MTSS1: variants seen among roughly 807,000 people sequenced by gnomAD.
MTSS1 encodes MTSS I-BAR domain containing 1.
In MTSS1, 18 loss-of-function variants were observed where a neutral mutation model predicts 79.0. That is an observed-to-expected ratio of 0.23 (90% CI 0.16 to 0.34). MTSS1 has a LOEUF of 0.34. Ranked by LOEUF, MTSS1 falls within the 10% of genes least tolerant of loss-of-function variation. The pLI is 1.00. For synonymous variants in MTSS1, 341 were observed against 368.6 expected (o/e 0.93, Z 0.86); for missense variants, 815 against 986.2 (o/e 0.83, Z 2.33).
chr8:124,570,704 T>C (rs947624890), intron 6 of MTSS1, among the ~76,000 whole-genome samples: 1 of 152,174 alleles, frequency 6.6e-6, no homozygotes, highest in Non-Finnish European at 1.5e-5. Flanking sequence ...AGTCTCTGCA[T>C]AATTTTCTCC....
chr8:124,708,375 G>T (rs181323921), intron 1 of MTSS1, among the ~76,000 whole-genome samples: 1 of 152,298 alleles, frequency 6.6e-6, no homozygotes, highest in East Asian at 1.9e-4. Flanking sequence ...TAGGATGTGT[G>T]GGGGACAGAC....
chr8:124,639,111 C>A (rs375571675), intron 3 of MTSS1, among the ~76,000 whole-genome samples: 1 of 152,130 alleles, frequency 6.6e-6, no homozygotes, highest in Non-Finnish European at 1.5e-5. Context: ...CCAAGGCAGG[C>A]GGATCACTAG....
Position 124,553,605 on chromosome 8 carries a change from C to T in MTSS1, c.1655G>A (p.Ser552Asn). The stretch of plus-strand genomic sequence containing the variant: ...CCGTCGGTAGGACTGGCTGATGTCG[C>T]TGTTTCTTGGAATGGTGGAGGACTT... Reference protein sequence around the residue: ...FDKSSTIPRNSDISQSYRRMF... With the variant: ...FDKSSTIPRNNDISQSYRRMF... Residue 552 changes from serine (S) to asparagine (N), a missense_variant, in exon 14 of 14, where the codon AGC becomes AAC. Coordinates refer to ENST00000518547, the MANE Select transcript of MTSS1 (RefSeq NM_014751.6). This position sits in a 1 kb window ranked among gnomAD's most constrained non-coding sequence, Gnocchi z 6.0. 2.5e-6 allele frequency: 4 copies of T among 1,614,200 alleles called. No individual in the cohort carries two copies. The highest frequency in any genetic ancestry group is 3.4e-6 in the Non-Finnish European group (4 of 1,180,034).
chr8:124,682,667 G>C (rs1388915531), intron 3 of MTSS1, among the ~76,000 whole-genome samples: 1 of 152,188 alleles, frequency 6.6e-6, no homozygotes, highest in Non-Finnish European at 1.5e-5. Flanking sequence ...CTGCTGAATG[G>C]GCCAGTGGCT....
At chr8:124,725,218 A>G (rs1459250428) in intron 1 of MTSS1, among the ~76,000 whole-genome samples, 1 of 152,176 alleles carries the variant, frequency 6.6e-6, no homozygotes, top group Non-Finnish European at 1.5e-5. Context: ...GATAAAACCC[A>G]TGCCCTGACA....
chr8:124,601,285 C>T (rs1438950573), intron 3 of MTSS1, among the ~76,000 whole-genome samples: 2 of 152,150 alleles, frequency 1.3e-5, no homozygotes, highest in Admixed American at 6.5e-5. Context: ...TGGTCTCGAA[C>T]TCCTGACCTC....
At chr8:124,703,250 T>G (rs1443062659) in intron 2 of MTSS1, among the ~76,000 whole-genome samples, 1 of 152,204 alleles carries the variant, frequency 6.6e-6, no homozygotes, top group African/African-American at 2.4e-5. Flanking sequence ...TTCATGTAAA[T>G]GGAATTATAC....
At position 124,699,554 on chromosome 8, in the gene MTSS1, T is replaced by C. The variant is rs765241645; in HGVS notation, c.180A>G (p.Lys60=). 6.2e-7 allele frequency: 1 copy of C among 1,614,208 alleles called. No homozygotes were observed. The highest frequency in any genetic ancestry group is 8.5e-7 in the Non-Finnish European group (1 of 1,180,024). The change falls in exon 3 of 14, where the codon AAA becomes AAG. Residue 60 remains lysine, a synonymous_variant. Transcript: ENST00000518547. ...AAAAFLDAFQ[K]VADMATNTRG... ...GTGTGTTGGTGGCCATGTCAGCCAC[T>C]TTCTGAAAGGCGTCCAAGAAGGCAG...
At chr8:124,713,560 A>G (rs1831477586) in intron 1 of MTSS1, among the ~76,000 whole-genome samples, 1 of 152,134 alleles carries the variant, frequency 6.6e-6, no homozygotes, top group Non-Finnish European at 1.5e-5. Flanking sequence ...AGTAGCTGGG[A>G]TTATAGGCAT....
intron 3 of MTSS1, among the ~76,000 whole-genome samples, chr8:124,658,218 G>A (rs1821327192): frequency 6.6e-6 from 1 of 152,176 alleles, no homozygotes; most frequent in Non-Finnish European, 1.5e-5. Flanking sequence ...CCCATGTATT[G>A]TGGGAAGGAC....
chr8:124,643,531 C>T lies in MTSS1; in HGVS notation c.209-52296G>A, dbSNP rs528041143. On this transcript the variant is annotated intron_variant, in intron 3 of 13. Transcript: ENST00000518547. ...TGACCAACATGGAGAAACCCCATCT[C>T]TACCAAAAATAAAAAAATTAGCCAG... 2.0e-5 allele frequency among the ~76,000 whole-genome samples: 3 copies of T among 152,012 alleles called. No homozygotes were observed. The South Asian group carries it at 6.3e-4, about 32-fold the overall frequency.
chr8:124,589,594 A>G, intron 5 of MTSS1, 26 bp downstream of exon 5: 1 of 1,579,574 alleles, frequency 6.3e-7, no homozygotes, highest in East Asian at 2.3e-5. Flanking sequence ...GCGTGCAGTG[A>G]TGCGCTAGAC....
chr8:124,688,359 TGTACGTGTGTACATG>T, intron 3 of MTSS1, among the ~76,000 whole-genome samples: 1 of 143,468 alleles, frequency 7.0e-6, no homozygotes, highest in Non-Finnish European at 1.5e-5. Context: ...GTGTGTGTGT[TGTACGTGTGTACATG>T]TGTATGTTGT....
intron 1 of MTSS1, among the ~76,000 whole-genome samples, chr8:124,711,592 C>A (rs1831175293): frequency 6.6e-6 from 1 of 152,216 alleles, no homozygotes; most frequent in African/African-American, 2.4e-5. Flanking sequence ...AGAGCCCAGA[C>A]AAGGTAGAGC....
At chr8:124,573,712 C>A (rs1828349664) in intron 6 of MTSS1, among the ~76,000 whole-genome samples, 1 of 152,200 alleles carries the variant, frequency 6.6e-6, no homozygotes, top group Non-Finnish European at 1.5e-5. Flanking sequence ...GGAGGGGGTG[C>A]CTTCGATGGG....
intron 3 of MTSS1, among the ~76,000 whole-genome samples, chr8:124,649,210 T>C (rs1819528126): frequency 6.6e-6 from 1 of 152,204 alleles, no homozygotes; most frequent in South Asian, 2.1e-4. Flanking sequence ...TAGGGCTGCT[T>C]TTGCTCTACA....
intron 3 of MTSS1, chr8:124,619,263 T>C (rs191891088): frequency 6.6e-6 from 1 of 152,394 alleles, no homozygotes; most frequent in East Asian, 1.9e-4. Context: ...GTTCAGCTGC[T>C]TACCTCCCAG....
Position 124,700,710 on chromosome 8 carries a change from T to C in MTSS1, c.135-1111A>G, listed in dbSNP as rs368270401. ...TGTGGTCTACTGGTTCCAAGAGTCA[T>C]GACCTAAGGCATCATTCAGCGTAGT... is the stretch of plus-strand genomic sequence containing the variant. On this transcript the variant is annotated intron_variant, in intron 2 of 13. Transcript: ENST00000518547. Among the ~76,000 whole-genome samples the C allele has an allele frequency of 7.6e-4, 115 of 152,288 alleles. 4 individuals are homozygous for C. The South Asian group carries it at 0.023, about 31-fold the overall frequency.
At chr8:124,643,293 T>C (rs1818398207) in intron 3 of MTSS1, among the ~76,000 whole-genome samples, 1 of 152,122 alleles carries the variant, frequency 6.6e-6, no homozygotes, top group Non-Finnish European at 1.5e-5. Context: ...ATACTGGAAC[T>C]CTACAAGCAA....
Sources: allele counts gnomAD v4.1 joint callset (sites outside exome capture counted in the v4.1 genomes callset), GRCh38; gene constraint gnomAD v4.1.1; non-coding constraint Gnocchi (gnomAD v3.1); transcripts MANE v1.5; gene names NCBI Gene and HGNC (gene_info 2026-07-23, HGNC 2026-07-21).